Variants in DTX1 observed in about 807,000 individuals in gnomAD.
DTX1 encodes deltex E3 ubiquitin ligase 1.
In DTX1, 26 loss-of-function variants were observed where a neutral mutation model predicts 57.8. The observed-to-expected ratio is 0.45, with a 90% CI of 0.33 to 0.62. The LOEUF (loss-of-function observed/expected upper bound fraction) is 0.62. DTX1 is among the 20% of genes least tolerant of loss of function. The pLI is 0.02. For missense variants in DTX1, 704 were observed against 895.3 expected (o/e 0.79, Z 2.73); for synonymous variants, 398 against 394.1 (o/e 1.01, Z -0.12).
At chr12:113,065,595 G>A (rs1045919026) in intron 2 of DTX1, among the ~76,000 whole-genome samples, 1 of 152,144 alleles carries the variant, frequency 6.6e-6, no homozygotes, top group African/African-American at 2.4e-5. Flanking sequence ...AAGGAGCTGC[G>A]GAGTCTGACC....
chr12:113,060,031 A>G (rs2136421919), intron 2 of DTX1, among the ~76,000 whole-genome samples: 1 of 152,256 alleles, frequency 6.6e-6, no homozygotes, highest in African/African-American at 2.4e-5. Flanking sequence ...AGTTTCTGCA[A>G]TGATTGAACT....
chr12:113,060,073 A>G (rs2044655161), intron 2 of DTX1, among the ~76,000 whole-genome samples: 1 of 152,236 alleles, frequency 6.6e-6, no homozygotes, highest in Non-Finnish European at 1.5e-5. Context: ...CTAGGTACCC[A>G]CAGAGTGCTT....
intron 3 of DTX1, among the ~76,000 whole-genome samples, chr12:113,084,109 G>C (rs1209780232): frequency 6.6e-6 from 1 of 152,220 alleles, no homozygotes; most frequent in Non-Finnish European, 1.5e-5. Flanking sequence ...CCAGCCAGTG[G>C]GGGCAGAGTA....
rs1454591914 is a variant in DTX1 at position 113,057,914 on chromosome 12, T to C, written c.-279T>C. ...AGCCAGCCGAGGGGGCCAAGGACTT[T>C]AGAGCTGTTTCCTCCGGCATAAGAG... On this transcript the variant is annotated 5_prime_UTR_variant, in exon 2 of 10. Coordinates refer to ENST00000548759, the MANE Select transcript of DTX1 (RefSeq NM_004416.3). The C allele has an allele frequency of 6.1e-6, 3 of 495,494 alleles. No individual in the cohort carries two copies. Among genetic ancestry groups the C allele is most frequent in the East Asian group, 3.5e-5 (1 of 28,238 alleles). 30.7% of individuals were successfully genotyped at this position (495,494 alleles called of 1,614,324 possible). A position where few individuals can be genotyped will look rare whatever the true frequency, so the allele number is the denominator to read the frequency against.
intron 2 of DTX1, among the ~76,000 whole-genome samples, chr12:113,069,390 G>A (rs569726413): frequency 1.4e-4 from 21 of 152,182 alleles, no homozygotes; most frequent in African/African-American, 3.6e-4. Flanking sequence ...TAGCCTCTCC[G>A]AGTGCCACGC....
chr12:113,078,076 C>A lies in DTX1; in HGVS notation c.912C>A (p.Ser304Arg), dbSNP rs1372783960. 7.1e-7 allele frequency: 1 copy of A among 1,398,714 alleles called. No homozygotes were observed. 86.6% of individuals were successfully genotyped at this position (1,398,714 alleles called of 1,614,324 possible). A position where few individuals can be genotyped will look rare whatever the true frequency, so the allele number is the denominator to read the frequency against. The change falls in exon 3 of 10, where the codon AGC (serine) becomes AGA (arginine). Residue 304 changes from serine to arginine, a missense_variant. Ser to Arg is a moderately radical substitution (Grantham distance 110). Transcript: ENST00000548759. ...LNRPGPQRTTSVSARASIPPG... is the reference protein window; with the variant it reads ...LNRPGPQRTTRVSARASIPPG... ...GGCCCGGGCCCCAGCGCACCACCAG[C>A]GTGAGCGCGCGCGCCTCCATCCCGC...
intron 2 of DTX1, among the ~76,000 whole-genome samples, chr12:113,065,683 G>A (rs1055502133): frequency 3.3e-5 from 5 of 152,172 alleles, no homozygotes; most frequent in African/African-American, 9.6e-5. Flanking sequence ...GAAGTGACAG[G>A]TAGCGGGGCT....
At chr12:113,066,593 C>CCTGAGCCT (rs1167777168) in intron 2 of DTX1, among the ~76,000 whole-genome samples, 2 of 152,190 alleles carry the variant, frequency 1.3e-5, no homozygotes, top group Middle Eastern at 3.4e-3. Context: ...ACACTCCCTC[C>CCTGAGCCT]CTGAGCCTCT....
intron 2 of DTX1, among the ~76,000 whole-genome samples, chr12:113,076,025 T>G (rs1273195159): frequency 8.8e-5 from 12 of 135,760 alleles, no homozygotes; most frequent in East Asian, 2.2e-4. Flanking sequence ...AGGGAGAAAA[T>G]GGAGCGGGGA....
At chr12:113,068,367 G>A (rs964756301) in intron 2 of DTX1, among the ~76,000 whole-genome samples, 7 of 152,198 alleles carry the variant, frequency 4.6e-5, no homozygotes, top group African/African-American at 7.2e-5. Flanking sequence ...CATTGCAGGC[G>A]CAAGGTGCTA....
intron 2 of DTX1, among the ~76,000 whole-genome samples, chr12:113,069,350 G>A (rs959558068): frequency 1.1e-4 from 17 of 152,110 alleles, no homozygotes; most frequent in African/African-American, 3.4e-4. Context: ...ATGAGTGCCC[G>A]CCTCCGCCTG....
At chr12:113,066,553 G>T (rs1275322303) in intron 2 of DTX1, among the ~76,000 whole-genome samples, 1 of 151,906 alleles carries the variant, frequency 6.6e-6, no homozygotes, top group Non-Finnish European at 1.5e-5. Flanking sequence ...AATCGTAGTG[G>T]GTGGGGAGAT....
chr12:113,089,283 G>A (rs1950228302), intron 3 of DTX1, among the ~76,000 whole-genome samples: 1 of 152,150 alleles, frequency 6.6e-6, no homozygotes, highest in Non-Finnish European at 1.5e-5. Context: ...CAGATCAGGA[G>A]GCCAGGTGTT....
chr12:113,074,984 T>G (rs931894125), intron 2 of DTX1, among the ~76,000 whole-genome samples: 2 of 152,100 alleles, frequency 1.3e-5, no homozygotes, highest in Admixed American at 1.3e-4. Flanking sequence ...TCAAGGTGCC[T>G]GTTAAACCTC....
intron 2 of DTX1, among the ~76,000 whole-genome samples, chr12:113,060,491 T>C (rs1410590072): frequency 6.6e-6 from 1 of 152,144 alleles, no homozygotes; most frequent in Non-Finnish European, 1.5e-5. Context: ...AGGGTGCCAG[T>C]GTCCCAGGCA....
rs1950313829 is a variant in DTX1, at chr12:113,097,232, T to A, written c.*293T>A. ...AAACACACATGTCCTGTTGAACTCA[T>A]GCACGCACACCCACGTGCCTGTACT... On this transcript the variant is annotated 3_prime_UTR_variant, in exon 10 of 10. Transcript: ENST00000548759. 2.6e-6 allele frequency: 1 copy of A among 386,048 alleles called. No individual in the cohort carries two copies. The highest frequency in any genetic ancestry group is 2.0e-5 in the African/African-American group (1 of 48,938). 23.9% of individuals were successfully genotyped at this position (386,048 alleles called of 1,614,324 possible).
At chr12:113,091,020 T>C (rs1218638852) in intron 3 of DTX1, among the ~76,000 whole-genome samples, 1 of 152,186 alleles carries the variant, frequency 6.6e-6, no homozygotes, top group Non-Finnish European at 1.5e-5. Flanking sequence ...CGGCAGGCCG[T>C]TCTGCAGGCT....
chr12:113,092,046 G>A (rs1327514409), intron 3 of DTX1, among the ~76,000 whole-genome samples: 1 of 152,222 alleles, frequency 6.6e-6, no homozygotes, highest in Non-Finnish European at 1.5e-5. Flanking sequence ...CTATAAGTGA[G>A]GTGTTAATAT....
chr12:113,090,006 A>G (rs1005590775), intron 3 of DTX1: 3 of 152,264 alleles, frequency 2.0e-5, no homozygotes, highest in Non-Finnish European at 4.4e-5. Flanking sequence ...AGCTGTACTG[A>G]GGACTCTGCT....
Sources: gnomAD v4.1 joint callset for allele counts (sites outside exome capture counted in the v4.1 genomes callset) on GRCh38, gnomAD v4.1.1 for gene constraint, MANE v1.5 for transcripts, NCBI Gene and HGNC (gene_info 2026-07-23, HGNC 2026-07-21) for gene names.